The following ABCF1 variants were observed in gnomAD, a reference collection of about 807,000 sequenced individuals.
ABCF1 encodes ATP-binding cassette sub-family F member 1.
ABCF1 carries 73 observed loss-of-function variants against 126.3 expected under a neutral mutation model. That is an observed-to-expected ratio of 0.58 (90% CI 0.48 to 0.70). ABCF1 has a LOEUF of 0.70. Ranked by LOEUF, ABCF1 falls within the 30% of genes least tolerant of loss-of-function variation. The probability of loss-of-function intolerance (pLI) is 0.00; values close to 1 mark genes in which losing one functional copy is unlikely to be tolerated. For missense variants in ABCF1, 786 were observed against 1,057.5 expected (o/e 0.74, Z 3.56); for synonymous variants, 345 against 396.4 (o/e 0.87, Z 1.54).
chr6:30,579,805 A>G (rs1037047693), intron 6 of ABCF1, 126 bp from the exon 7 acceptor site: 15 of 853,922 alleles, frequency 1.8e-5, no homozygotes, highest in East Asian at 3.3e-5. Flanking sequence ...TCGGGATGCA[A>G]CCTGTCGTAA....
Position 30,579,940 on chromosome 6 carries a change from G to A in ABCF1, c.499G>A (p.Glu167Lys), listed in dbSNP as rs747137645. ...EKNRINKAVS[E>K]EQQPALKGKK... Reference sequence around the variant, plus strand: ...TGTGTGTCTCCTCCAGGCCGTATCTGAGGAACAGCAGCCTGCACTCAAGGG... The same window carrying A: ...TGTGTGTCTCCTCCAGGCCGTATCTAAGGAACAGCAGCCTGCACTCAAGGG... Residue 167 changes from glutamate (E) to lysine (K), a missense_variant, in exon 7 of 25, where the codon GAG becomes AAG. Glu to Lys is a moderately conservative substitution (Grantham distance 56, BLOSUM62 1). Around this residue, in one of 4 missense-constraint regions of ABCF1, gnomAD observed 322 missense variants for 322.9 expected, o/e 1.00. Transcript: ENST00000326195. 6 of 1,612,926 alleles carry A rather than the reference G, an allele frequency of 3.7e-6. No individual in the cohort carries two copies. Among genetic ancestry groups the A allele is most frequent in the South Asian group, 3.3e-5 (3 of 91,086 alleles).
At chr6:30,577,711 T>G in intron 2 of ABCF1, 107 bp from the exon 3 acceptor site, 1 of 1,095,652 alleles carries the variant, frequency 9.1e-7, no homozygotes. Flanking sequence ...AGACAGGAGG[T>G]AAGGTGAGGG....
rs759899008 is a variant in ABCF1 at position 30,578,151 on chromosome 6, A to G, written c.292A>G (p.Met98Val). 1.2e-6 allele frequency: 2 copies of G among 1,613,402 alleles called. No homozygotes were observed. Among genetic ancestry groups the G allele is most frequent in the Admixed American group, 3.3e-5 (2 of 59,998 alleles). ...VDDDGEEKEL[M>V]ERLKKLSVPT... ...TGATGATGGAGAAGAGAAAGAGCTC[A>G]TGGAGCGTCTTAAGAAGCTCTCAGT... The change falls in exon 4 of 25, where the codon ATG (methionine) becomes GTG (valine). Residue 98 changes from methionine to valine, a missense_variant. Physicochemically the swap from Met to Val is conservative, Grantham distance 21. Transcript: ENST00000326195.
intron 20 of ABCF1, chr6:30,589,446 A>G: frequency 1.7e-6 from 1 of 574,390 alleles, no homozygotes; most frequent in Non-Finnish European, 3.1e-6. Context: ...TACTAAAAAT[A>G]CAAAAAATTA....
Position 30,578,571 on chromosome 6 carries a change from C to A in ABCF1, c.483C>A (p.Ile161=), listed in dbSNP as rs749710665. 7 of 1,613,360 alleles carry A rather than the reference C, an allele frequency of 4.3e-6. No homozygotes were observed. The Admixed American group carries it at 5.0e-5, about 12-fold the overall frequency. Residue 161 remains isoleucine (I), a synonymous_variant, in exon 6 of 25, where the codon ATC becomes ATA. Coordinates refer to ENST00000326195, the MANE Select transcript of ABCF1 (RefSeq NM_001025091.2). ...PKPAKPEKNR[I]NKAVSEEQQP... ...CTGCCAAGCCGGAGAAGAATCGGATCAATAAGGTGACAGTGGTGGCTCGAT... is the reference window on the plus strand; with the variant it reads ...CTGCCAAGCCGGAGAAGAATCGGATAAATAAGGTGACAGTGGTGGCTCGAT...
Position 30,585,669 on chromosome 6 carries a change from T to C in ABCF1, c.1587T>C (p.Tyr529=), listed in dbSNP as rs765521895. 252 of 1,612,862 alleles carry C rather than the reference T, an allele frequency of 1.6e-4. No homozygotes were observed. Among genetic ancestry groups the C allele is most frequent in the Middle Eastern group, 9.9e-4 (6 of 6,084 alleles). Reference sequence around the variant, plus strand: ...TCGATGCCCAGCGGCTCCACTACTATAGGGGCAATTACAGTAAGTAGGATT... The same window carrying C: ...TCGATGCCCAGCGGCTCCACTACTACAGGGGCAATTACAGTAAGTAGGATT... ...IHLDAQRLHY[Y]RGNYMTFKKM... is the part of the protein sequence containing the mutation. Residue 529 remains tyrosine (Y), a synonymous_variant, in exon 16 of 25, where the codon TAT becomes TAC. Coordinates refer to ENST00000326195, the MANE Select transcript of ABCF1 (RefSeq NM_001025091.2).
chr6:30,583,756 G>T lies in ABCF1; in HGVS notation c.1016+48G>T. ...GGCAAAAAAGGGCCTGGAGGGAAAAGAAGAGATTTCTCAGTGGTGGCCAGG... is the reference window on the plus strand; with the variant it reads ...GGCAAAAAAGGGCCTGGAGGGAAAATAAGAGATTTCTCAGTGGTGGCCAGG... On this transcript the variant is annotated intron_variant, in intron 11 of 24. Coordinates refer to ENST00000326195, the MANE Select transcript of ABCF1 (RefSeq NM_001025091.2). The surrounding 1 kb of genome is among the most constrained non-coding windows in gnomAD (Gnocchi z 4.1). The T allele has an allele frequency of 6.2e-7, 1 of 1,613,782 alleles. No individual in the cohort carries two copies. The highest frequency in any genetic ancestry group is 8.5e-7 in the Non-Finnish European group (1 of 1,179,700).
intron 6 of ABCF1, among the ~76,000 whole-genome samples, chr6:30,579,097 G>T (rs1033557744): frequency 2.6e-5 from 4 of 152,074 alleles, no homozygotes; most frequent in African/African-American, 9.7e-5. Context: ...AAAGCCCCAG[G>T]TCCTTGCTCT....
At position 30,590,768 on chromosome 6, in the gene ABCF1, C is replaced by T. The variant is rs1802413931; in HGVS notation, c.*67C>T. The T allele has an allele frequency of 4.0e-6, 6 of 1,516,202 alleles. No homozygotes were observed. The highest frequency in any genetic ancestry group is 2.1e-5 in the Admixed American group (1 of 47,562). The allele number at this position is 1,516,202 out of a possible 1,614,324, so 93.9% of individuals were successfully genotyped here. ...GCCTAGAAGTCCTCTGTGGTCTCCC[C>T]TCCTCTGAAGACTGCCTCTGGCCTG... On this transcript the variant is annotated 3_prime_UTR_variant, in exon 25 of 25. Transcript: ENST00000326195.
chr6:30,578,818 G>T (rs541319390), intron 6 of ABCF1, among the ~76,000 whole-genome samples: 1 of 152,196 alleles, frequency 6.6e-6, no homozygotes, highest in Admixed American at 6.5e-5. Flanking sequence ...TGACCAACAT[G>T]GCGAAACCTC....
rs753737191 is a variant in ABCF1, at chr6:30,583,566, G to A, written c.916-42G>A. 1 of 1,599,454 alleles carries A rather than the reference G, an allele frequency of 6.3e-7. No individual in the cohort carries two copies. The highest frequency in any genetic ancestry group is 8.6e-7 in the Non-Finnish European group (1 of 1,167,034). Reference sequence around the variant, plus strand: ...TGTCCCAAAGGGAGAATTTTCATGTGATCATCCCTTCCCTCTGCCACCTCT... The same window carrying A: ...TGTCCCAAAGGGAGAATTTTCATGTAATCATCCCTTCCCTCTGCCACCTCT... On this transcript the variant is annotated intron_variant, in intron 10 of 24. Transcript: ENST00000326195. This position sits in a 1 kb window ranked among gnomAD's most constrained non-coding sequence, Gnocchi z 4.1.
chr6:30,581,737 A>G (rs1801826123), intron 8 of ABCF1, among the ~76,000 whole-genome samples: 1 of 152,126 alleles, frequency 6.6e-6, no homozygotes, highest in Admixed American at 6.6e-5. Flanking sequence ...GTTAACAAGG[A>G]AACCACAGAA....
At chr6:30,590,116 A>C (rs761017058) in intron 22 of ABCF1, 33 bp from the exon 23 acceptor site, 4 of 1,612,746 alleles carry the variant, frequency 2.5e-6, no homozygotes, top group Non-Finnish European at 1.7e-6. Context: ...GTGAGGTGCT[A>C]GGTGTGACAG....
chr6:30,578,594 G>T lies in ABCF1; in HGVS notation c.489+17G>T. 2 of 1,605,076 alleles carry T rather than the reference G, an allele frequency of 1.2e-6. No homozygotes were observed. Among genetic ancestry groups the T allele is most frequent in the Non-Finnish European group, 1.7e-6 (2 of 1,173,122 alleles). On this transcript the variant is annotated intron_variant, in intron 6 of 24. Coordinates refer to ENST00000326195, the MANE Select transcript of ABCF1 (RefSeq NM_001025091.2). ...ATCAATAAGGTGACAGTGGTGGCTCGATCAGTCACTCTCACTCCATTTAGC... is the reference window on the plus strand; with the variant it reads ...ATCAATAAGGTGACAGTGGTGGCTCTATCAGTCACTCTCACTCCATTTAGC...
At chr6:30,582,944 CA>C in intron 9 of ABCF1, 121 bp from the exon 10 acceptor site, 2 of 1,288,936 alleles carry the variant, frequency 1.6e-6, no homozygotes, top group Non-Finnish European at 2.1e-6. Context: ...CCACCTACCT[CA>C]GCCTCCCAGA....
Position 30,580,021 on chromosome 6 carries a change from G to T in ABCF1, c.564+16G>T. The T allele has an allele frequency of 6.2e-7, 1 of 1,611,290 alleles. No individual in the cohort carries two copies. The highest frequency in any genetic ancestry group is 8.5e-7 in the Non-Finnish European group (1 of 1,178,846). On this transcript the variant is annotated intron_variant, in intron 7 of 24. Coordinates refer to ENST00000326195, the MANE Select transcript of ABCF1 (RefSeq NM_001025091.2). Reference sequence around the variant, plus strand: ...GAAGGCTAAGGTGAGAGAGTAACTAGCAGGAGGAGGTATTGGGGCCCAGGA... The same window carrying T: ...GAAGGCTAAGGTGAGAGAGTAACTATCAGGAGGAGGTATTGGGGCCCAGGA...
Position 30,584,012 on chromosome 6 carries a change from A to G in ABCF1, c.1102+122A>G. ...GAAGGGATGTGGAGGGAGACTGGAG[A>G]CCGGGAAAGGGATGCTAAGGAAAGG... On this transcript the variant is annotated intron_variant, in intron 12 of 24. Coordinates refer to ENST00000326195, the MANE Select transcript of ABCF1 (RefSeq NM_001025091.2). The surrounding 1 kb of genome is among the most constrained non-coding windows in gnomAD (Gnocchi z 4.6). 1 of 1,405,426 alleles carries G rather than the reference A, an allele frequency of 7.1e-7. No individual in the cohort carries two copies. The highest frequency in any genetic ancestry group is 9.8e-7 in the Non-Finnish European group (1 of 1,017,078). 87.1% of individuals were successfully genotyped at this position (1,405,426 alleles called of 1,614,324 possible). A position where few individuals can be genotyped will look rare whatever the true frequency, so the allele number is the denominator to read the frequency against.
rs1801755497 is a variant in ABCF1 at position 30,580,392 on chromosome 6, C to T, written c.565-14C>T. The T allele has an allele frequency of 7.7e-7, 1 of 1,292,164 alleles. No individual in the cohort carries two copies. The highest frequency in any genetic ancestry group is 2.1e-4 in the Middle Eastern group (1 of 4,840). 80.0% of individuals were successfully genotyped at this position (1,292,164 alleles called of 1,614,324 possible). On this transcript the variant is annotated splice_polypyrimidine_tract_variant and intron_variant, in intron 7 of 24. Coordinates refer to ENST00000326195, the MANE Select transcript of ABCF1 (RefSeq NM_001025091.2). ...AAAAAAAACATTTCATCAGACCTGT[C>T]TTTTCCCTATTAGCCTCAAAATAAA...
At chr6:30,579,765 C>G (rs888551545) in intron 6 of ABCF1, among the ~76,000 whole-genome samples, 166 bp from the exon 7 acceptor site, 2 of 152,102 alleles carry the variant, frequency 1.3e-5, no homozygotes, top group Middle Eastern at 3.4e-3. Context: ...CAAGAACTAT[C>G]ATTTTTTATT....
Sources: gnomAD v4.1 joint callset for allele counts (sites outside exome capture counted in the v4.1 genomes callset) on GRCh38, gnomAD v4.1.1 for gene constraint, gnomAD v4.1.1 regional missense constraint, Gnocchi (gnomAD v3.1) non-coding constraint, MANE v1.5 for transcripts, NCBI Gene and HGNC (gene_info 2026-07-23, HGNC 2026-07-21) for gene names.